Variants in TDP1 observed in about 807,000 individuals in gnomAD.
TDP1 encodes tyr-DNA phosphodiesterase 1.
Under a neutral mutation model 81.5 loss-of-function variants are expected in TDP1, and 64 were observed. The observed-to-expected ratio is 0.79, with a 90% CI of 0.64 to 0.97. The LOEUF is 0.97. TDP1 is among the 50% of genes least tolerant of loss of function. The pLI is 0.00. For missense variants in TDP1, 723 were observed against 743.8 expected (o/e 0.97, Z 0.33); for synonymous variants, 256 against 264.3 (o/e 0.97, Z 0.30).
intron 15 of TDP1, among the ~76,000 whole-genome samples, chr14:90,029,945 C>T (rs1037673334): frequency 1.3e-5 from 2 of 152,168 alleles, no homozygotes; most frequent in Non-Finnish European, 2.9e-5. Flanking sequence ...GAATAAGTAC[C>T]ATGGGCCAGT....
intron 15 of TDP1, among the ~76,000 whole-genome samples, chr14:90,032,424 A>C (rs1049722460): frequency 1.3e-5 from 2 of 152,016 alleles, no homozygotes; most frequent in African/African-American, 4.8e-5. Context: ...AAGGGGCAGG[A>C]GTTGGTCAAT....
chr14:90,011,539 T>C (rs1884705119), intron 14 of TDP1, among the ~76,000 whole-genome samples: 1 of 152,234 alleles, frequency 6.6e-6, no homozygotes, highest in Non-Finnish European at 1.5e-5. Context: ...CAATGAAGTC[T>C]AGGCTAACAT....
chr14:89,975,975 A>G (rs747939580), intron 7 of TDP1, among the ~76,000 whole-genome samples, 160 bp downstream of exon 7: 3 of 152,230 alleles, frequency 2.0e-5, no homozygotes, highest in Non-Finnish European at 4.4e-5. Context: ...TAATGCTCTT[A>G]TAAAAATTAT....
chr14:89,985,322 G>A, intron 10 of TDP1, 112 bp downstream of exon 10: 2 of 667,060 alleles, frequency 3.0e-6, no homozygotes, highest in Non-Finnish European at 5.2e-6. Flanking sequence ...ACAATTCTGG[G>A]CAAATAGATA....
intron 14 of TDP1, among the ~76,000 whole-genome samples, chr14:89,997,814 A>T (rs1001251131): frequency 2.7e-5 from 4 of 150,292 alleles, no homozygotes; most frequent in African/African-American, 1.0e-4. Context: ...AAAATGTTTT[A>T]TATATATATT....
At chr14:90,031,549 C>T (rs866563566) in intron 15 of TDP1, among the ~76,000 whole-genome samples, 2 of 151,798 alleles carry the variant, frequency 1.3e-5, no homozygotes, top group Non-Finnish European at 2.9e-5. Flanking sequence ...CCCAGCTGCT[C>T]GGGAGGCTGA....
intron 12 of TDP1, among the ~76,000 whole-genome samples, chr14:89,990,368 A>G (rs1303763770): frequency 6.6e-6 from 1 of 151,820 alleles, no homozygotes; most frequent in Non-Finnish European, 1.5e-5. Flanking sequence ...TAATCAGGAG[A>G]TGTTAACTGA....
chr14:89,971,659 T>G (rs900127854), intron 6 of TDP1, among the ~76,000 whole-genome samples: 1 of 152,182 alleles, frequency 6.6e-6, no homozygotes, highest in Non-Finnish European at 1.5e-5. Context: ...TCAGTTTTAC[T>G]CAATGTAGTA....
At chr14:89,965,439 A>G (rs1418100045) in intron 3 of TDP1, among the ~76,000 whole-genome samples, 1 of 152,186 alleles carries the variant, frequency 6.6e-6, no homozygotes, top group East Asian at 1.9e-4. Flanking sequence ...GAAAATGGAT[A>G]TGAGGAGTAA....
intron 13 of TDP1, 98 bp downstream of exon 13, chr14:89,992,081 AAT>A (rs1446887411): frequency 3.1e-6 from 3 of 981,764 alleles, no homozygotes; most frequent in African/African-American, 1.6e-5. Flanking sequence ...AACTTTATGT[AAT>A]ATAGCTATAT....
intron 15 of TDP1, among the ~76,000 whole-genome samples, chr14:90,019,841 T>A (rs895795572): frequency 1.3e-5 from 2 of 152,062 alleles, no homozygotes; most frequent in Non-Finnish European, 2.9e-5. Flanking sequence ...TGAAAGATGC[T>A]TAGGATGTAG....
At chr14:90,003,595 G>C (rs1897368541) in intron 14 of TDP1, among the ~76,000 whole-genome samples, 1 of 152,204 alleles carries the variant, frequency 6.6e-6, no homozygotes, top group Non-Finnish European at 1.5e-5. Flanking sequence ...TAAGAGGATA[G>C]TGCCTAGGTG....
At position 89,963,617 on chromosome 14, in the gene TDP1, TC is replaced by T. The variant is rs1892594727; in HGVS notation, c.504del (p.Thr169LeufsTer44). On this transcript the variant is annotated frameshift_variant, in exon 3 of 17. Transcript: ENST00000335725. LOFTEE classifies it high-confidence loss of function. ...LDKGNPFQFY[L>X]TRVSGVKPKY... is the part of the protein sequence containing the mutation. The stretch of plus-strand genomic sequence containing the variant: ...AAAGGGAACCCCTTCCAGTTTTACC[TC>T]ACTAGAGTCTCTGGAGTTAAGCCAA... 6.2e-7 allele frequency: 1 copy of T among 1,613,984 alleles called. No homozygotes were observed. Among genetic ancestry groups the T allele is most frequent in the African/African-American group, 1.3e-5 (1 of 74,902 alleles).
rs1888622066 is a variant in TDP1 at position 90,044,322 on chromosome 14, C to T, written c.*1179C>T. The T allele has an allele frequency of 6.6e-6, 1 of 152,170 alleles. No individual in the cohort carries two copies. Among genetic ancestry groups the T allele is most frequent in the South Asian group, 2.1e-4 (1 of 4,826 alleles). The allele number at this position is 152,170 out of a possible 1,614,324, so 9.4% of individuals were successfully genotyped here. ...CTAAGGCCTAGAAGGTTAAGGATGT[C>T]CCCAGGGTCACACAGTGAGCGGGGC... On this transcript the variant is annotated 3_prime_UTR_variant, in exon 17 of 17. Transcript: ENST00000335725.
At chr14:90,007,776 AT>A (rs1320741936) in intron 14 of TDP1, among the ~76,000 whole-genome samples, 1 of 149,904 alleles carries the variant, frequency 6.7e-6, no homozygotes, top group Non-Finnish European at 1.5e-5. Flanking sequence ...CTAATTTTTT[AT>A]TTTTTTTTAG....
intron 16 of TDP1, chr14:90,033,415 C>G (rs758960727): frequency 6.2e-6 from 4 of 647,684 alleles, no homozygotes; most frequent in Non-Finnish European, 1.1e-5. Context: ...CCTATAATTA[C>G]TATACAGATC....
At chr14:90,023,160 A>G (rs779071540) in intron 15 of TDP1, 15 of 711,342 alleles carry the variant, frequency 2.1e-5, no homozygotes, top group Non-Finnish European at 3.6e-5. Flanking sequence ...TTCAAAATAC[A>G]GGGGCTCTGA....
chr14:90,037,445 T>C (rs1371486222), intron 16 of TDP1, among the ~76,000 whole-genome samples: 1 of 152,202 alleles, frequency 6.6e-6, no homozygotes, highest in Non-Finnish European at 1.5e-5. Flanking sequence ...TTATAGTCTA[T>C]TAAGGAGGTT....
intron 2 of TDP1, among the ~76,000 whole-genome samples, chr14:89,961,592 T>C (rs1050610158): frequency 6.6e-6 from 1 of 152,196 alleles, no homozygotes; most frequent in African/African-American, 2.4e-5. Context: ...TGGTCAGTTG[T>C]GTTTAAACCG....
Sources: gnomAD v4.1 joint callset for allele counts (sites outside exome capture counted in the v4.1 genomes callset) on GRCh38, gnomAD v4.1.1 for gene constraint, MANE v1.5 for transcripts, NCBI Gene and HGNC (gene_info 2026-07-23, HGNC 2026-07-21) for gene names.